The following ROS1 variants were observed in gnomAD, a reference collection of about 807,000 sequenced individuals.
ROS1 encodes the protein proto-oncogene tyrosine-protein kinase ROS.
In ROS1, 263 loss-of-function variants were observed where a neutral mutation model predicts 273.5. That is an observed-to-expected ratio of 0.96 (90% confidence interval 0.87 to 1.06). The LOEUF (loss-of-function observed/expected upper bound fraction) is 1.06. Among genes scored for constraint, ROS1 ranks in the 50% least tolerant of loss-of-function variants. ROS1 has a pLI of 0.00. For synonymous variants in ROS1, 1,008 were observed against 954.1 expected (o/e 1.06, Z -1.04); for missense variants, 2,833 against 2,751.1 (o/e 1.03, Z -0.67).
At chr6:117,368,346 A>G (rs1350268462) in intron 18 of ROS1, among the ~76,000 whole-genome samples, 1 of 152,096 alleles carries the variant, frequency 6.6e-6, no homozygotes, top group African/African-American at 2.4e-5. Context: ...AGAAAAATAT[A>G]AATAAAGTTT....
intron 23 of ROS1, 43 bp downstream of exon 23, chr6:117,360,299 C>CACACACACAT (rs58588396): frequency 6.9e-7 from 1 of 1,455,360 alleles, no homozygotes; most frequent in African/African-American, 1.4e-5. Context: ...CACACACACA[C>CACACACACAT]GCCTCTAAAT....
At chr6:117,379,838 T>C (rs1354545034) in intron 17 of ROS1, among the ~76,000 whole-genome samples, 5 of 152,288 alleles carry the variant, frequency 3.3e-5, no homozygotes, top group Admixed American at 2.0e-4. Flanking sequence ...AAAAAGATCA[T>C]ACACAAAGGA....
At chr6:117,299,528 G>A (rs1007797172) in intron 43 of ROS1, 3 of 152,166 alleles carry the variant, frequency 2.0e-5, no homozygotes, top group Admixed American at 6.5e-5. Flanking sequence ...GATAGGAAAG[G>A]ACCATTCTTT....
At chr6:117,378,741 G>A (rs940633383) in intron 18 of ROS1, among the ~76,000 whole-genome samples, 2 of 152,052 alleles carry the variant, frequency 1.3e-5, no homozygotes, top group Admixed American at 6.6e-5. Context: ...GACATCACAG[G>A]AAGAGTTCTG....
intron 17 of ROS1, among the ~76,000 whole-genome samples, chr6:117,381,927 A>G (rs1313625812): frequency 6.6e-6 from 1 of 152,126 alleles, no homozygotes; most frequent in African/African-American, 2.4e-5. Flanking sequence ...TCCCCCAAAC[A>G]TGCTGAGATG....
chr6:117,319,767 T>C, intron 37 of ROS1, 101 bp downstream of exon 37: 1 of 1,102,414 alleles, frequency 9.1e-7, no homozygotes, highest in African/African-American at 1.6e-5. Flanking sequence ...ACCAGTCCTC[T>C]TTTCAACAAA....
chr6:117,300,830 A>G (rs1326661398), intron 43 of ROS1, 144 bp downstream of exon 43: 1 of 530,958 alleles, frequency 1.9e-6, no homozygotes, highest in African/African-American at 2.0e-5. Context: ...AGAGGAATGC[A>G]ATAAACACTT....
intron 25 of ROS1, 28 bp from the exon 26 acceptor site, chr6:117,356,943 C>A (rs761473959): frequency 6.4e-7 from 1 of 1,568,394 alleles, no homozygotes; most frequent in African/African-American, 1.4e-5. Flanking sequence ...GTCCCCCCAA[C>A]TTAATGAGTA....
intron 2 of ROS1, among the ~76,000 whole-genome samples, chr6:117,417,526 T>A (rs1775426084): frequency 6.6e-6 from 1 of 152,188 alleles, no homozygotes; most frequent in Admixed American, 6.5e-5. Flanking sequence ...GGTTACACTC[T>A]TATCTAAAAC....
chr6:117,308,722 A>G (rs1775306476), intron 42 of ROS1, 72 bp downstream of exon 42: 2 of 1,448,088 alleles, frequency 1.4e-6, no homozygotes, highest in Non-Finnish European at 1.9e-6. Context: ...AACAAACTAT[A>G]TCAAGAGGCC....
At chr6:117,398,696 A>AAAAAAAAAAAAACAAG (rs1773700626) in intron 7 of ROS1, among the ~76,000 whole-genome samples, 1 of 151,280 alleles carries the variant, frequency 6.6e-6, no homozygotes, top group South Asian at 2.1e-4. Flanking sequence ...AAAAAAAAAA[A>AAAAAAAAAAAAACAAG]ACTCGCGGTG....
At chr6:117,305,411 C>A (rs1775028691) in intron 42 of ROS1, among the ~76,000 whole-genome samples, 2 of 152,172 alleles carry the variant, frequency 1.3e-5, no homozygotes, top group Non-Finnish European at 2.9e-5. Context: ...TCCAAAAGTT[C>A]AGCCTCTTGT....
intron 32 of ROS1, among the ~76,000 whole-genome samples, chr6:117,330,944 T>C (rs1334744129): frequency 1.3e-5 from 2 of 152,138 alleles, no homozygotes; most frequent in Non-Finnish European, 2.9e-5. Context: ...CTCCTCTAAA[T>C]GATCACAATG....
intron 34 of ROS1, among the ~76,000 whole-genome samples, chr6:117,325,550 G>A (rs1055815287): frequency 4.6e-5 from 7 of 152,120 alleles, no homozygotes; most frequent in Non-Finnish European, 7.4e-5. Context: ...ATTTCAGAGA[G>A]GGATTAAGTA....
At chr6:117,370,122 T>G (rs529820050) in intron 18 of ROS1, among the ~76,000 whole-genome samples, 1 of 152,314 alleles carries the variant, frequency 6.6e-6, no homozygotes, top group Admixed American at 6.5e-5. Flanking sequence ...TTTCAGGGTC[T>G]CCATGACTTG....
In ROS1 at chr6:117,409,641, C is replaced by T. The variant is rs140860347; in HGVS notation, c.257G>A (p.Arg86Gln). The T allele has an allele frequency of 2.5e-5, 40 of 1,613,490 alleles. No individual in the cohort carries two copies. Among genetic ancestry groups the T allele is most frequent in the East Asian group, 4.5e-5 (2 of 44,882 alleles). Residue 86 changes from arginine (R) to glutamine (Q), a missense_variant and splice_region_variant, in exon 5 of 44, where the codon CGG becomes CAG. Physicochemically the swap from Arg to Gln is conservative, Grantham distance 43 (BLOSUM62 1). Transcript: ENST00000368507. ...GCTACAGCCAACCTCACACGACTCC[C>T]GCTGTGGAAGACAGGGAGCATGACA... is the stretch of plus-strand genomic sequence containing the variant. ...CNDTYATVCE[R>Q]ESCEVGCSSA...
chr6:117,391,401 G>T (rs1373981816), intron 12 of ROS1, among the ~76,000 whole-genome samples: 4 of 152,174 alleles, frequency 2.6e-5, no homozygotes, highest in Non-Finnish European at 5.9e-5. Context: ...TAGAAAAGGT[G>T]AAGAGATCTG....
At chr6:117,397,504 TA>T (rs1562363936) in intron 7 of ROS1, among the ~76,000 whole-genome samples, 3 of 152,066 alleles carry the variant, frequency 2.0e-5, no homozygotes, top group East Asian at 1.9e-4. Context: ...TCGACGAGTT[TA>T]AAAAAAAGTC....
In ROS1 at chr6:117,365,054, C is replaced by T. The variant is rs780404366; in HGVS notation, c.3103+6G>A. On this transcript the variant is annotated splice_donor_region_variant and intron_variant, in intron 21 of 43. Coordinates refer to ENST00000368507, the MANE Select transcript of ROS1 (RefSeq NM_001378902.1). ...TAAGAAAAAAGACAGATTTTAACCC[C>T]TGTACCTGTTTCAGGTGCTCGAAGT... 6.2e-7 allele frequency: 1 copy of T among 1,613,358 alleles called. No individual in the cohort carries two copies. The highest frequency in any genetic ancestry group is 1.1e-5 in the South Asian group (1 of 90,966).
Sources: allele counts gnomAD v4.1 joint callset (sites outside exome capture counted in the v4.1 genomes callset), GRCh38; gene constraint gnomAD v4.1.1; transcripts MANE v1.5; gene names NCBI Gene and HGNC (gene_info 2026-07-23, HGNC 2026-07-21).